Variants in CDK8 observed in about 807,000 individuals in gnomAD.
The protein encoded by CDK8 is cyclin dependent kinase 8, also known as cyclin-dependent kinase 8.
CDK8 carries 29 observed loss-of-function variants against 71.5 expected under a neutral mutation model. The ratio of observed to expected loss-of-function variants is 0.41; its 90% CI spans 0.30 to 0.55. The LOEUF (loss-of-function observed/expected upper bound fraction) is 0.55. CDK8 is among the 20% of genes least tolerant of loss of function. The pLI is 0.37. For synonymous variants in CDK8, 161 were observed against 192.1 expected (o/e 0.84, Z 1.34); for missense variants, 288 against 572.6 (o/e 0.50, Z 5.07).
chr13:26,373,187 G>T (rs1190392635), intron 4 of CDK8, among the ~76,000 whole-genome samples: 1 of 152,086 alleles, frequency 6.6e-6, no homozygotes, highest in Non-Finnish European at 1.5e-5. Flanking sequence ...GTACATACTA[G>T]TGCCCCCATT....
At chr13:26,357,592 G>T (rs1402593274) in intron 4 of CDK8, among the ~76,000 whole-genome samples, 2 of 152,224 alleles carry the variant, frequency 1.3e-5, no homozygotes, top group South Asian at 2.1e-4. Context: ...CCTGGTTCTG[G>T]TATTACCATC....
intron 1 of CDK8, among the ~76,000 whole-genome samples, chr13:26,285,290 A>T (rs1593238886): frequency 6.6e-6 from 1 of 152,228 alleles, no homozygotes; most frequent in African/African-American, 2.4e-5. Flanking sequence ...TCAATAGCTT[A>T]TCAAAAAGAT....
rs1163694705 is a variant in CDK8 at position 26,404,045 on chromosome 13, G to C, written c.1359G>C (p.Gln453His). 1.9e-6 allele frequency: 3 copies of C among 1,614,044 alleles called. No homozygotes were observed. Among genetic ancestry groups the C allele is most frequent in the Non-Finnish European group, 2.5e-6 (3 of 1,179,994 alleles). ...TGGGATACTCAGCTACCTCCCAGCA[G>C]CCTCCACAGTACTCACATCAGACAC... ...SSMGYSATSQ[Q>H]PPQYSHQTHR... The change falls in exon 13 of 13, where the codon CAG becomes CAC. Residue 453 changes from glutamine to histidine, a missense_variant. Around this residue, in one of 6 missense-constraint regions of CDK8, gnomAD observed 76 missense variants for 99.7 expected, o/e 0.76. Transcript: ENST00000381527.
intron 4 of CDK8, among the ~76,000 whole-genome samples, chr13:26,376,157 A>G (rs1349476970): frequency 1.3e-5 from 2 of 151,812 alleles, no homozygotes; most frequent in Middle Eastern, 3.2e-3. Flanking sequence ...CGTTTAGAAT[A>G]ATAATTGGAA....
chr13:26,344,308 C>G (rs1873368226), intron 2 of CDK8, among the ~76,000 whole-genome samples: 1 of 152,136 alleles, frequency 6.6e-6, no homozygotes, highest in Non-Finnish European at 1.5e-5. Context: ...TGCTGGGCAT[C>G]TAGGTTGATT....
chr13:26,360,449 C>T (rs745487996), intron 4 of CDK8, among the ~76,000 whole-genome samples: 7 of 152,090 alleles, frequency 4.6e-5, no homozygotes, highest in Non-Finnish European at 1.0e-4. Context: ...TGCTTGAATC[C>T]CCTCATCCCT....
intron 2 of CDK8, among the ~76,000 whole-genome samples, chr13:26,344,263 A>G (rs1430088198): frequency 3.3e-5 from 5 of 152,158 alleles, no homozygotes; most frequent in Admixed American, 2.6e-4. Flanking sequence ...TCCGTGGTGT[A>G]TATGTACCAC....
At chr13:26,383,865 T>G (rs144725763) in intron 5 of CDK8, among the ~76,000 whole-genome samples, 1 of 152,212 alleles carries the variant, frequency 6.6e-6, no homozygotes, top group Non-Finnish European at 1.5e-5. Flanking sequence ...AAGTTTGGCT[T>G]TCCTTGAGAA....
At chr13:26,318,738 A>T (rs1029322126) in intron 1 of CDK8, among the ~76,000 whole-genome samples, 3 of 152,244 alleles carry the variant, frequency 2.0e-5, no homozygotes, top group African/African-American at 7.2e-5. Flanking sequence ...CGCAGAAAAA[A>T]TCCTGACAAA....
In CDK8 at chr13:26,377,633, A is replaced by G. The variant is rs187541302; in HGVS notation, c.457-5181A>G. On this transcript the variant is annotated intron_variant, in intron 4 of 12. Coordinates refer to ENST00000381527, the MANE Select transcript of CDK8 (RefSeq NM_001260.3). ...AGGTGTTCAGCAGTACTAGTGGAGT[A>G]AACTTCAGTATTAGAGGTAAAAAAT... is the stretch of plus-strand genomic sequence containing the variant. 5.5e-4 allele frequency among the ~76,000 whole-genome samples: 84 copies of G among 152,340 alleles called. 1 individual carries two copies. The highest frequency in any genetic ancestry group is 6.8e-3 in the Middle Eastern group (2 of 294).
At chr13:26,314,272 C>T (rs1412696952) in intron 1 of CDK8, among the ~76,000 whole-genome samples, 1 of 152,074 alleles carries the variant, frequency 6.6e-6, no homozygotes, top group East Asian at 1.9e-4. Flanking sequence ...AATTGTCCTA[C>T]ATATAACTTT....
chr13:26,369,748 G>T (rs1427569717), intron 4 of CDK8, among the ~76,000 whole-genome samples: 3 of 133,526 alleles, frequency 2.2e-5, no homozygotes, highest in Non-Finnish European at 3.1e-5. Flanking sequence ...AGTAGATAGG[G>T]TGTTTCACCA....
rs1593218980 is a variant in CDK8 at position 26,254,833 on chromosome 13, G to A, written c.128+64G>A. ...GCGCTCCCGCAGGCCGAGGCAGGTA[G>A]CCCGGAGGGAGAGCGGGCCGCCGGG... On this transcript the variant is annotated intron_variant, in intron 1 of 12. Coordinates refer to ENST00000381527, the MANE Select transcript of CDK8 (RefSeq NM_001260.3). This position sits in a 1 kb window ranked among gnomAD's most constrained non-coding sequence, Gnocchi z 6.7. The A allele has an allele frequency of 6.3e-7, 1 of 1,582,248 alleles. No homozygotes were observed. The highest frequency in any genetic ancestry group is 2.3e-5 in the East Asian group (1 of 43,554).
chr13:26,316,986 A>G (rs1030183001), intron 1 of CDK8, among the ~76,000 whole-genome samples: 3 of 152,158 alleles, frequency 2.0e-5, no homozygotes, highest in Admixed American at 2.0e-4. Context: ...TAGAAACAAA[A>G]TGGAAATGTC....
chr13:26,265,044 T>A (rs1250762315), intron 1 of CDK8, among the ~76,000 whole-genome samples: 1 of 152,154 alleles, frequency 6.6e-6, no homozygotes, highest in Non-Finnish European at 1.5e-5. Context: ...AACATGCGAG[T>A]GTAGGTATCC....
At position 26,254,572 on chromosome 13, in the gene CDK8, G is replaced by C. The variant is rs2137842158; in HGVS notation, c.-70G>C. 3 of 1,359,752 alleles carry C rather than the reference G, an allele frequency of 2.2e-6. No homozygotes were observed. The highest frequency in any genetic ancestry group is 3.0e-6 in the Non-Finnish European group (3 of 1,004,032). 84.2% of individuals were successfully genotyped at this position (1,359,752 alleles called of 1,614,324 possible). A position where few individuals can be genotyped will look rare whatever the true frequency, so the allele number is the denominator to read the frequency against. On this transcript the variant is annotated 5_prime_UTR_variant, in exon 1 of 13. Coordinates refer to ENST00000381527, the MANE Select transcript of CDK8 (RefSeq NM_001260.3). This position sits in a 1 kb window ranked among gnomAD's most constrained non-coding sequence, Gnocchi z 6.7. ...GGGTTCCCGGGGGCTGCGGCTGCCCGTGCTTCCCCGGTCCCCACCCCTGCC... is the reference window on the plus strand; with the variant it reads ...GGGTTCCCGGGGGCTGCGGCTGCCCCTGCTTCCCCGGTCCCCACCCCTGCC...
intron 1 of CDK8, among the ~76,000 whole-genome samples, chr13:26,296,287 C>T (rs1443077978): frequency 1.3e-5 from 2 of 152,198 alleles, no homozygotes; most frequent in African/African-American, 2.4e-5. Flanking sequence ...TAAAGTGACT[C>T]TTCTGAACTA....
In CDK8 at chr13:26,312,228, T is replaced by C. The variant is rs138996724; in HGVS notation, c.129-25339T>C. The stretch of plus-strand genomic sequence containing the variant: ...ACGCACCAATCAGCACCCTGTAAAA[T>C]GGACCAATCAGCAGAATGTGGGTGG... On this transcript the variant is annotated intron_variant, in intron 1 of 12. Transcript: ENST00000381527. Among the ~76,000 whole-genome samples the C allele has an allele frequency of 6.4e-3, 975 of 152,264 alleles. 12 individuals carry two copies. The highest frequency in any genetic ancestry group is 0.021 in the African/African-American group (872 of 41,544).
intron 1 of CDK8, among the ~76,000 whole-genome samples, chr13:26,290,689 C>A: frequency 6.6e-6 from 1 of 152,104 alleles, no homozygotes; most frequent in African/African-American, 2.4e-5. Context: ...TGAGATACTT[C>A]ATCATTATAT....
Sources: allele counts gnomAD v4.1 joint callset (sites outside exome capture counted in the v4.1 genomes callset), GRCh38; gene constraint gnomAD v4.1.1; regional missense constraint gnomAD v4.1.1; non-coding constraint Gnocchi (gnomAD v3.1); transcripts MANE v1.5; gene names NCBI Gene and HGNC (gene_info 2026-07-23, HGNC 2026-07-21).